The following METTL15 variants were observed in gnomAD, a reference collection of about 807,000 sequenced individuals.
METTL15 encodes the protein methyltransferase 15, mitochondrial 12S rRNA N4-cytidine.
A neutral mutation model predicts 38.3 loss-of-function variants in METTL15; 34 were observed. The observed-to-expected ratio is 0.89, with a 90% CI of 0.68 to 1.18. The LOEUF is 1.18. METTL15 is among the 50% of genes most tolerant of loss of function. METTL15 has a pLI of 0.00. For synonymous variants in METTL15, 162 were observed against 170.9 expected, an observed-to-expected ratio of 0.95 and a Z score of 0.41; for missense variants, 438 against 498.4, an observed-to-expected ratio of 0.88 and a Z score of 1.15.
At chr11:28,193,355 C>A (rs1851770901) in intron 3 of METTL15, among the ~76,000 whole-genome samples, 1 of 152,010 alleles carries the variant, frequency 6.6e-6, no homozygotes, top group Non-Finnish European at 1.5e-5. Flanking sequence ...TAGCAGTAGG[C>A]TAAGGGCAAG....
At chr11:28,191,146 T>G (rs897131604) in intron 3 of METTL15, among the ~76,000 whole-genome samples, 6 of 151,446 alleles carry the variant, frequency 4.0e-5, no homozygotes, top group Non-Finnish European at 8.9e-5. Flanking sequence ...GATTTTGCAA[T>G]TTCCTGTAGA....
intron 6 of METTL15, among the ~76,000 whole-genome samples, chr11:28,525,515 T>A (rs1269363869): frequency 6.6e-6 from 1 of 152,018 alleles, no homozygotes; most frequent in Non-Finnish European, 1.5e-5. Context: ...ATCCCTTAGC[T>A]AGACATAAAG....
At chr11:28,488,552 C>T (rs751971575) in intron 6 of METTL15, among the ~76,000 whole-genome samples, 5 of 152,136 alleles carry the variant, frequency 3.3e-5, no homozygotes, top group South Asian at 2.1e-4. Flanking sequence ...TCATAGTTGA[C>T]GCTACATTGC....
downstream of METTL15, among the ~76,000 whole-genome samples, chr11:28,530,264 C>T (rs562530689): frequency 6.6e-6 from 1 of 152,186 alleles, no homozygotes; most frequent in African/African-American, 2.4e-5. Flanking sequence ...TATTACATGC[C>T]TAAATAATGC....
intron 6 of METTL15, among the ~76,000 whole-genome samples, chr11:28,489,037 T>A (rs1445840677): frequency 1.3e-5 from 2 of 152,170 alleles, no homozygotes; most frequent in Admixed American, 1.3e-4. Flanking sequence ...CATGGCACTT[T>A]TCCTTCTGAG....
At chr11:28,243,860 C>T (rs1818751935) in intron 4 of METTL15, among the ~76,000 whole-genome samples, 1 of 152,074 alleles carries the variant, frequency 6.6e-6, no homozygotes, top group African/African-American at 2.4e-5. Flanking sequence ...TCTTTGGCCA[C>T]ATAACTACTA....
At chr11:28,480,165 T>G (rs1221849083) in intron 6 of METTL15, among the ~76,000 whole-genome samples, 1 of 152,218 alleles carries the variant, frequency 6.6e-6, no homozygotes, top group Non-Finnish European at 1.5e-5. Context: ...TTTTAAAGTA[T>G]AATCTGCATT....
intron 6 of METTL15, among the ~76,000 whole-genome samples, chr11:28,428,557 T>C (rs1850884920): frequency 6.6e-6 from 1 of 152,182 alleles, no homozygotes; most frequent in African/African-American, 2.4e-5. Flanking sequence ...TGGTGGAATT[T>C]AAAAATATGT....
At chr11:28,306,293 C>T (rs1857080528) in intron 6 of METTL15, among the ~76,000 whole-genome samples, 1 of 152,044 alleles carries the variant, frequency 6.6e-6, no homozygotes, top group South Asian at 2.1e-4. Context: ...GATATAGTAG[C>T]AGTTTTCACA....
At chr11:28,484,822 T>A (rs1851425537) in intron 6 of METTL15, among the ~76,000 whole-genome samples, 1 of 151,584 alleles carries the variant, frequency 6.6e-6, no homozygotes, top group South Asian at 2.1e-4. Flanking sequence ...TACGATTTCC[T>A]GAAGGTAATT....
chr11:28,328,563 T>C (rs2134060486), intron 6 of METTL15, among the ~76,000 whole-genome samples: 1 of 152,226 alleles, frequency 6.6e-6, no homozygotes. Context: ...AGAACAAATC[T>C]GTACTAGAAA....
intron 6 of METTL15, among the ~76,000 whole-genome samples, chr11:28,476,590 A>G (rs1275218131): frequency 6.6e-6 from 1 of 152,180 alleles, no homozygotes; most frequent in Non-Finnish European, 1.5e-5. Context: ...TGTTCTAAAC[A>G]GGTTAATCAA....
intron 4 of METTL15, among the ~76,000 whole-genome samples, chr11:28,281,453 A>G (rs1440234670): frequency 6.6e-6 from 1 of 152,106 alleles, no homozygotes; most frequent in Non-Finnish European, 1.5e-5. Flanking sequence ...ACCTGCTCCA[A>G]TGTTGGGCTC....
At chr11:28,113,660 G>A (rs1851819170) in intron 3 of METTL15, 56 bp downstream of exon 3, 14 of 1,557,870 alleles carry the variant, frequency 9.0e-6, no homozygotes. Context: ...TTCACTTATT[G>A]TAATATTCAT....
intron 6 of METTL15, among the ~76,000 whole-genome samples, chr11:28,524,206 T>A (rs1851790472): frequency 6.6e-6 from 1 of 152,256 alleles, no homozygotes; most frequent in Non-Finnish European, 1.5e-5. Context: ...TTGATTTTTT[T>A]GAAAATCACT....
At chr11:28,395,831 G>A (rs868788001) in intron 5 of METTL15, among the ~76,000 whole-genome samples, 11 of 152,138 alleles carry the variant, frequency 7.2e-5, no homozygotes, top group Admixed American at 2.6e-4. Context: ...GATGAACATC[G>A]ATGCAAAAAT....
At chr11:28,309,271 G>A (rs983899373) in intron 6 of METTL15, among the ~76,000 whole-genome samples, 3 of 152,036 alleles carry the variant, frequency 2.0e-5, no homozygotes, top group African/African-American at 4.8e-5. Context: ...CTTTTGACTC[G>A]TCACAAATCT....
intron 3 of METTL15, among the ~76,000 whole-genome samples, chr11:28,180,455 TG>T (rs1366623659): frequency 6.6e-6 from 1 of 151,796 alleles, no homozygotes; most frequent in Non-Finnish European, 1.5e-5. Flanking sequence ...ATTAGTTGTC[TG>T]CTTTTCCTTC....
intron 5 of METTL15, among the ~76,000 whole-genome samples, chr11:28,373,231 C>A (rs1194878598): frequency 6.6e-6 from 1 of 151,984 alleles, no homozygotes; most frequent in Non-Finnish European, 1.5e-5. Flanking sequence ...GTTTACAGTC[C>A]CACCAACAGT....
Sources: gnomAD v4.1 joint callset for allele counts (sites outside exome capture counted in the v4.1 genomes callset) on GRCh38, gnomAD v4.1.1 for gene constraint, MANE v1.5 for transcripts, NCBI Gene and HGNC (gene_info 2026-07-23, HGNC 2026-07-21) for gene names.